DNAAF4: variants seen among roughly 807,000 people sequenced by gnomAD.
DNAAF4 encodes dynein assembly factor 4, axonemal.
DNAAF4 carries 43 observed loss-of-function variants against 51.8 expected under a neutral mutation model. The ratio of observed to expected loss-of-function variants is 0.83; its 90% CI spans 0.65 to 1.07. The LOEUF is 1.07. Ranked by LOEUF, DNAAF4 falls within the 50% of genes least tolerant of loss-of-function variation. DNAAF4 has a pLI of 0.00. For missense variants in DNAAF4, 581 were observed against 493.0 expected (o/e 1.18, Z -1.69); for synonymous variants, 194 against 165.6 (o/e 1.17, Z -1.32).
chr15:55,442,967 C>G (rs531383576), intron 6 of DNAAF4: 6 of 1,611,010 alleles, frequency 3.7e-6, no homozygotes, highest in Non-Finnish European at 5.1e-6. Flanking sequence ...CTTTTCTCAA[C>G]GTCATTGTAG....
chr15:55,461,701 A>T (rs1307059842), intron 5 of DNAAF4, among the ~76,000 whole-genome samples: 3 of 152,200 alleles, frequency 2.0e-5, no homozygotes, highest in African/African-American at 7.2e-5. Context: ...GAGCATAAAC[A>T]GACAATCTAG....
chr15:55,484,172 G>A (rs1420290606), intron 4 of DNAAF4, among the ~76,000 whole-genome samples: 1 of 152,040 alleles, frequency 6.6e-6, no homozygotes, highest in African/African-American at 2.4e-5. Flanking sequence ...ATGGAATACA[G>A]TATGGCAATT....
chr15:55,469,626 G>T (rs973597080), intron 4 of DNAAF4, among the ~76,000 whole-genome samples: 1 of 151,392 alleles, frequency 6.6e-6, no homozygotes, highest in Non-Finnish European at 1.5e-5. Flanking sequence ...GGAACTACAG[G>T]TGTCTGCCAC....
At chr15:55,483,183 G>A (rs1488634383) in intron 4 of DNAAF4, among the ~76,000 whole-genome samples, 1 of 152,030 alleles carries the variant, frequency 6.6e-6, no homozygotes, top group Non-Finnish European at 1.5e-5. Context: ...TGCAACCTCT[G>A]CCTCCCAGGT....
In DNAAF4 at chr15:55,496,272, G is replaced by A. The variant is rs73411038; in HGVS notation, c.271+1440C>T. The stretch of plus-strand genomic sequence containing the variant: ...ACAACTGGGGATTTCAACTTTGGCT[G>A]CACATTATAATTCCTGGAAAGCTTT... On this transcript the variant is annotated intron_variant, in intron 3 of 9. Coordinates refer to ENST00000321149, the MANE Select transcript of DNAAF4 (RefSeq NM_130810.4). Among the ~76,000 whole-genome samples, 791 of 152,210 alleles carry A rather than the reference G, an allele frequency of 5.2e-3. 6 individuals carry two copies. The highest frequency in any genetic ancestry group is 0.018 in the African/African-American group (758 of 41,540).
At position 55,473,198 on chromosome 15, in the gene DNAAF4, A is replaced by AAAAAAAAAAT. The variant is rs1209754897; in HGVS notation, c.406-6038_406-6037insATTTTTTTTT. Reference sequence around the variant, plus strand: ...ACAAAAAAAAAACCTAAAAAAAAAAAATATATATATATATATATATATATG... The same window carrying AAAAAAAAAAT: ...ACAAAAAAAAAACCTAAAAAAAAAAAAAAAAAAAATATATATATATATATATATATATATG... On this transcript the variant is annotated intron_variant, in intron 4 of 9. Transcript: ENST00000321149. 7.7e-4 allele frequency among the ~76,000 whole-genome samples: 58 copies of AAAAAAAAAAT among 75,740 alleles called. 3 individuals are homozygous for AAAAAAAAAAT. Among genetic ancestry groups the AAAAAAAAAAT allele is most frequent in the East Asian group, 3.7e-3 (9 of 2,422 alleles). 49.7% of individuals were successfully genotyped at this position (75,740 alleles called of 152,430 possible).
intron 4 of DNAAF4, among the ~76,000 whole-genome samples, chr15:55,486,918 G>A (rs900370878): frequency 4.6e-5 from 7 of 151,614 alleles, no homozygotes; most frequent in African/African-American, 1.2e-4. Context: ...CTCAACATAC[G>A]TATGCTCAAA....
chr15:55,418,652 GA>G, intron 7 of DNAAF4: 2 of 971,214 alleles, frequency 2.1e-6, no homozygotes, highest in East Asian at 5.4e-5. Context: ...ACCTAATAAA[GA>G]AGATAAAAAG....
At chr15:55,449,963 T>A (rs1034074869) in intron 6 of DNAAF4, among the ~76,000 whole-genome samples, 6 of 152,104 alleles carry the variant, frequency 3.9e-5, no homozygotes, top group Non-Finnish European at 7.4e-5. Flanking sequence ...GCTCCCAAAG[T>A]GCTGGGATTG....
At chr15:55,431,514 A>G (rs868183290) in intron 9 of DNAAF4, among the ~76,000 whole-genome samples, 4 of 144,214 alleles carry the variant, frequency 2.8e-5, no homozygotes, top group African/African-American at 7.7e-5. Context: ...TTGCTCTGTC[A>G]CCCAGGCTGT....
chr15:55,418,271 G>T (rs1274396979), intron 7 of DNAAF4: 6 of 1,553,874 alleles, frequency 3.9e-6, no homozygotes, highest in Non-Finnish European at 5.2e-6. Context: ...AATGAAATCT[G>T]AACAACTGCC....
chr15:55,456,844 A>G (rs2058027624), intron 5 of DNAAF4, among the ~76,000 whole-genome samples: 1 of 152,216 alleles, frequency 6.6e-6, no homozygotes, highest in South Asian at 2.1e-4. Flanking sequence ...AAGCAGCAGG[A>G]AGAGCCCTAT....
rs191122550 is a variant in DNAAF4 at position 55,481,669 on chromosome 15, A to T, written c.405+9454T>A. 2.1e-3 allele frequency among the ~76,000 whole-genome samples: 313 copies of T among 152,242 alleles called. 1 individual carries two copies. The highest frequency in any genetic ancestry group is 3.3e-3 in the Non-Finnish European group (226 of 68,020). On this transcript the variant is annotated intron_variant, in intron 4 of 9. Coordinates refer to ENST00000321149, the MANE Select transcript of DNAAF4 (RefSeq NM_130810.4). ...CGCACGAAGCAATTACAGAAGACAG[A>T]CCATCAGTTCCTCTGCCTCCCATAA...
intron 4 of DNAAF4, among the ~76,000 whole-genome samples, chr15:55,483,489 C>T (rs1040736144): frequency 6.6e-6 from 1 of 152,072 alleles, no homozygotes; most frequent in African/African-American, 2.4e-5. Flanking sequence ...ATGAATTCTA[C>T]ACTTTAAAAG....
intron 5 of DNAAF4, among the ~76,000 whole-genome samples, chr15:55,458,814 C>G (rs2058054929): frequency 6.6e-6 from 1 of 152,116 alleles, no homozygotes; most frequent in South Asian, 2.1e-4. Flanking sequence ...TGGCCCACAT[C>G]TGTAATCTCA....
chr15:55,487,527 T>C (rs1417145649), intron 4 of DNAAF4, among the ~76,000 whole-genome samples: 1 of 152,074 alleles, frequency 6.6e-6, no homozygotes, highest in African/African-American at 2.4e-5. Context: ...GAAGCTTTGT[T>C]CTTTCACTCT....
At chr15:55,481,595 C>A (rs1056026054) in intron 4 of DNAAF4, among the ~76,000 whole-genome samples, 1 of 152,158 alleles carries the variant, frequency 6.6e-6, no homozygotes, top group African/African-American at 2.4e-5. Flanking sequence ...CTAGACAGAG[C>A]AGGGCAAGAG....
chr15:55,439,831 T>G (rs1323976292), intron 6 of DNAAF4, among the ~76,000 whole-genome samples: 1 of 151,874 alleles, frequency 6.6e-6, no homozygotes, highest in East Asian at 1.9e-4. Context: ...CCAAAACGAG[T>G]TTATCCTTTT....
intron 1 of DNAAF4, among the ~76,000 whole-genome samples, chr15:55,505,835 G>T (rs920980106): frequency 6.6e-6 from 1 of 152,296 alleles, no homozygotes; most frequent in African/African-American, 2.4e-5. Context: ...GTTGATGGGT[G>T]CAGCAAACCA....
Sources: gnomAD v4.1 joint callset for allele counts (sites outside exome capture counted in the v4.1 genomes callset) on GRCh38, gnomAD v4.1.1 for gene constraint, MANE v1.5 for transcripts, NCBI Gene and HGNC (gene_info 2026-07-23, HGNC 2026-07-21) for gene names.